The following MCPH1 variants were observed in gnomAD, a reference collection of about 807,000 sequenced individuals.
The protein encoded by MCPH1 is microcephalin.
Under a neutral mutation model 84.5 loss-of-function variants are expected in MCPH1, and 104 were observed. That is an observed-to-expected ratio of 1.23 (90% CI 1.05 to 1.45). MCPH1 has a LOEUF of 1.45. Among genes scored for constraint, MCPH1 ranks in the 40% most tolerant of loss-of-function variants. MCPH1 has a pLI of 0.00. For synonymous variants in MCPH1, 514 were observed against 366.8 expected, an observed-to-expected ratio of 1.40 and a Z score of -4.58; for missense variants, 1,498 against 1,005.7, an observed-to-expected ratio of 1.49 and a Z score of -6.62.
intron 10 of MCPH1, among the ~76,000 whole-genome samples, chr8:6,480,326 A>C (rs936447776): frequency 6.6e-6 from 1 of 151,898 alleles, no homozygotes; most frequent in Non-Finnish European, 1.5e-5. Context: ...GGGTTTCACC[A>C]TGTTGGCTAG....
At chr8:6,611,065 A>G (rs1830212230) in intron 12 of MCPH1, among the ~76,000 whole-genome samples, 1 of 152,012 alleles carries the variant, frequency 6.6e-6, no homozygotes, top group Non-Finnish European at 1.5e-5. Context: ...TGTTTTTCCT[A>G]CTACTGCTAC....
chr8:6,562,459 AC>A (rs1445578312), intron 12 of MCPH1, among the ~76,000 whole-genome samples: 3 of 150,034 alleles, frequency 2.0e-5, no homozygotes, highest in Non-Finnish European at 4.4e-5. Context: ...CCCGGGGACT[AC>A]CCACACACCC....
intron 2 of MCPH1, among the ~76,000 whole-genome samples, chr8:6,413,901 C>G (rs1036635373): frequency 1.3e-5 from 2 of 151,964 alleles, no homozygotes; most frequent in Non-Finnish European, 2.9e-5. Flanking sequence ...ACTACAGGCA[C>G]GAACCTCCAC....
At chr8:6,499,020 C>G (rs1303188151) in intron 11 of MCPH1, among the ~76,000 whole-genome samples, 1 of 151,220 alleles carries the variant, frequency 6.6e-6, no homozygotes. Flanking sequence ...CCACTGCACT[C>G]CAGCCTGGAT....
chr8:6,449,038 AGT>A (rs1383509932), intron 8 of MCPH1, among the ~76,000 whole-genome samples: 1 of 152,180 alleles, frequency 6.6e-6, no homozygotes, highest in African/African-American at 2.4e-5. Flanking sequence ...GTTCAGACTG[AGT>A]GTTCCCATCA....
At chr8:6,467,239 A>G (rs1276248496) in intron 9 of MCPH1, among the ~76,000 whole-genome samples, 1 of 152,226 alleles carries the variant, frequency 6.6e-6, no homozygotes, top group Non-Finnish European at 1.5e-5. Context: ...GTGACTGTCA[A>G]ACCAGTGACT....
At position 6,430,074 on chromosome 8, in the gene MCPH1, G is replaced by A. The variant is rs527309934; in HGVS notation, c.234-1425G>A. On this transcript the variant is annotated intron_variant, in intron 3 of 13. Coordinates refer to ENST00000344683, the MANE Select transcript of MCPH1 (RefSeq NM_024596.5). ...GTCTATGCTCTGCTTCCAGATGGAA[G>A]ATCTGTGTCCTCCCACATCTGCCTC... 2.6e-5 allele frequency among the ~76,000 whole-genome samples: 4 copies of A among 152,322 alleles called. No homozygotes were observed. In the South Asian group the frequency reaches 8.3e-4, roughly 32 times the overall value.
At chr8:6,631,400 G>A (rs3020265) in intron 13 of MCPH1, among the ~76,000 whole-genome samples, 69,704 of 151,864 alleles carry the variant, frequency 0.46, 16,667 homozygotes, top group East Asian at 0.72. Context: ...AATCTATGGA[G>A]TAGGAGAAAA....
chr8:6,503,317 C>A (rs779212052), intron 12 of MCPH1: 1 of 1,591,640 alleles, frequency 6.3e-7, no homozygotes, highest in East Asian at 2.2e-5. Context: ...GCTCCCACCA[C>A]GAAGACAGCA....
intron 9 of MCPH1, among the ~76,000 whole-genome samples, chr8:6,465,597 T>C (rs1373583499): frequency 1.3e-5 from 2 of 152,138 alleles, no homozygotes; most frequent in African/African-American, 4.8e-5. Flanking sequence ...CTCAGAGCTT[T>C]GTTGTGGCTG....
chr8:6,423,784 G>A lies in MCPH1; in HGVS notation c.234-7715G>A, dbSNP rs116483608. ...GCTGCCAAATTATCTTCTGGAAGGA[G>A]TGTACTGGTTTCCATTCTCACTGGA... On this transcript the variant is annotated intron_variant, in intron 3 of 13. Transcript: ENST00000344683. Among the ~76,000 whole-genome samples, 670 of 152,278 alleles carry A rather than the reference G, an allele frequency of 4.4e-3. 6 individuals are homozygous for A. The highest frequency in any genetic ancestry group is 0.015 in the African/African-American group (644 of 41,552).
chr8:6,600,891 C>T (rs1363135398), intron 12 of MCPH1, among the ~76,000 whole-genome samples: 3 of 152,296 alleles, frequency 2.0e-5, no homozygotes, highest in African/African-American at 7.2e-5. Flanking sequence ...ACAGACATCT[C>T]ACCCAGGAGA....
chr8:6,538,786 A>G (rs943254507), intron 12 of MCPH1, among the ~76,000 whole-genome samples: 4 of 152,238 alleles, frequency 2.6e-5, no homozygotes, highest in African/African-American at 9.7e-5. Flanking sequence ...AGTGAACAGA[A>G]TCCTCAAACT....
At chr8:6,480,911 A>G (rs763104988) in intron 11 of MCPH1, 35 bp downstream of exon 11, 2 of 1,610,208 alleles carry the variant, frequency 1.2e-6, no homozygotes, top group East Asian at 4.5e-5. Flanking sequence ...ATTTTAAAAC[A>G]AGGCATTTTG....
chr8:6,562,578 T>TTTTTTTTTTTTTTTAAAAA, intron 12 of MCPH1: 1 of 880,188 alleles, frequency 1.1e-6, no homozygotes, highest in Non-Finnish European at 1.6e-6. Context: ...TTTTGGTTGT[T>TTTTTTTTTTTTTTTAAAAA]AAAACCTGAG....
intron 9 of MCPH1, among the ~76,000 whole-genome samples, chr8:6,462,458 C>T (rs1585909793): frequency 6.6e-6 from 1 of 152,168 alleles, no homozygotes; most frequent in African/African-American, 2.4e-5. Flanking sequence ...ATTTTTGGTG[C>T]TCTTAACCAT....
rs979616723 is a variant in MCPH1, at chr8:6,646,604, T to A, written c.*3555T>A. ...ACAAAAATTAGCTCAACGTGGACTA[T>A]ATCAGGGTTTCTCAACATCAGCAGT... is the stretch of plus-strand genomic sequence containing the variant. On this transcript the variant is annotated 3_prime_UTR_variant, in exon 14 of 14. Coordinates refer to ENST00000344683, the MANE Select transcript of MCPH1 (RefSeq NM_024596.5). 2.2e-4 allele frequency: 34 copies of A among 152,362 alleles called. No homozygotes were observed. Among genetic ancestry groups the A allele is most frequent in the African/African-American group, 7.9e-4 (33 of 41,594 alleles). The allele number at this position is 152,362 out of a possible 1,614,324, so 9.4% of individuals were successfully genotyped here.
intron 3 of MCPH1, among the ~76,000 whole-genome samples, chr8:6,420,766 C>A (rs1447200532): frequency 1.3e-5 from 2 of 152,048 alleles, no homozygotes; most frequent in African/African-American, 4.8e-5. Context: ...CAAATGTAAC[C>A]CCTTTTGTTA....
In MCPH1 at chr8:6,465,429, C is replaced by T. The variant is rs1316013741; in HGVS notation, c.1935+10177C>T. Among the ~76,000 whole-genome samples the T allele has an allele frequency of 2.6e-5, 4 of 152,200 alleles. No individual in the cohort carries two copies. In the East Asian group the frequency reaches 5.8e-4, roughly 22 times the overall value. On this transcript the variant is annotated intron_variant, in intron 9 of 13. Coordinates refer to ENST00000344683, the MANE Select transcript of MCPH1 (RefSeq NM_024596.5). The stretch of plus-strand genomic sequence containing the variant: ...TCCACCCCGTCCTCGGACGCCTGGT[C>T]TCAGCACATCACCGGTATTCTCTTC...
Sources: allele counts gnomAD v4.1 joint callset (sites outside exome capture counted in the v4.1 genomes callset), GRCh38; gene constraint gnomAD v4.1.1; transcripts MANE v1.5; gene names NCBI Gene and HGNC (gene_info 2026-07-23, HGNC 2026-07-21).